Variants in COL4A6 observed in about 807,000 individuals in gnomAD.
COL4A6 encodes collagen alpha-6(IV) chain.
A neutral mutation model predicts 126.7 loss-of-function variants in COL4A6; 59 were observed. The observed-to-expected ratio is 0.47, with a 90% CI of 0.38 to 0.58. The LOEUF is 0.58. Ranked by LOEUF, COL4A6 falls within the 20% of genes least tolerant of loss-of-function variation. The pLI is 0.00. For synonymous variants in COL4A6, 547 were observed against 496.6 expected (o/e 1.10, Z -1.35); for missense variants, 1,285 against 1,337.3 (o/e 0.96, Z 0.61).
chrX:108,232,074 C>T (rs1372863966), intron 3 of COL4A6, among the ~76,000 whole-genome samples: 1 of 111,360 alleles, frequency 9.0e-6, no homozygotes, highest in Non-Finnish European at 1.9e-5. Flanking sequence ...ACTTGATGGT[C>T]ATTAGGTTGA....
intron 40 of COL4A6, chrX:108,163,297 C>T (rs2034020551): frequency 9.9e-6 from 3 of 303,677 alleles, no homozygotes; most frequent in African/African-American, 8.5e-5. Flanking sequence ...GCATTGTGCC[C>T]AGTGGGTGAC....
At chrX:108,437,838 C>A in intron 2 of COL4A6, 104 bp downstream of exon 2, 1 of 909,511 alleles carries the variant, frequency 1.1e-6, no homozygotes, top group Non-Finnish European at 1.6e-6. Context: ...TGGACTCCGT[C>A]TCGTGGTGAA....
At chrX:108,356,988 G>A (rs1157668387) in intron 2 of COL4A6, among the ~76,000 whole-genome samples, 1 of 111,131 alleles carries the variant, frequency 9.0e-6, no homozygotes, top group Non-Finnish European at 1.9e-5. Context: ...TCTATTCCAT[G>A]CATTTAAAGT....
intron 20 of COL4A6, among the ~76,000 whole-genome samples, chrX:108,189,459 C>T (rs2034970140): frequency 8.9e-6 from 1 of 112,084 alleles, no homozygotes; most frequent in African/African-American, 3.2e-5. Flanking sequence ...TTGATAATCC[C>T]TATCACTATT....
intron 32 of COL4A6, among the ~76,000 whole-genome samples, chrX:108,172,195 C>T (rs2034324968): frequency 1.8e-5 from 2 of 108,208 alleles, no homozygotes; most frequent in South Asian, 8.4e-4. Context: ...ACCAAAAATA[C>T]AAAAATTAGC....
At chrX:108,427,668 T>C (rs1000342361) in intron 2 of COL4A6, among the ~76,000 whole-genome samples, 2 of 111,420 alleles carry the variant, frequency 1.8e-5, no homozygotes, top group Non-Finnish European at 3.8e-5. Context: ...AATGTTAGAG[T>C]GGCATGATCA....
intron 2 of COL4A6, among the ~76,000 whole-genome samples, chrX:108,390,178 A>T (rs184577199): frequency 9.0e-6 from 1 of 110,972 alleles, no homozygotes; most frequent in East Asian, 2.9e-4. Flanking sequence ...CCTTCATTTT[A>T]ACCTTGGTGA....
chrX:108,424,211 A>C (rs1250702004), intron 2 of COL4A6, among the ~76,000 whole-genome samples: 2 of 111,601 alleles, frequency 1.8e-5, no homozygotes, highest in Non-Finnish European at 3.8e-5. Context: ...GACTGCCTAG[A>C]GGAAGGAGTG....
rs573679137 is a variant in COL4A6, at chrX:108,157,092, G to T, written c.4981C>A (p.Gln1661Lys). 1.7e-6 allele frequency: 2 copies of T among 1,211,752 alleles called. No homozygotes were observed. The highest frequency in any genetic ancestry group is 1.8e-5 in the South Asian group (1 of 56,990). ...FWLTTVEERQ[Q>K]FGELPVSETL... Reference sequence around the variant, plus strand: ...TCAGACACAGGCAACTCCCCAAACTGCTGCCTCTCCTCCACTGTGGTCAAC... The same window carrying T: ...TCAGACACAGGCAACTCCCCAAACTTCTGCCTCTCCTCCACTGTGGTCAAC... Residue 1661 changes from glutamine to lysine, a missense_variant, in exon 45 of 45, where the codon CAG becomes AAG. Physicochemically the swap from Gln to Lys is moderately conservative, Grantham distance 53. Coordinates refer to ENST00000334504, the MANE Select transcript of COL4A6 (RefSeq NM_033641.4).
At chrX:108,355,355 T>C (rs918187501) in intron 2 of COL4A6, among the ~76,000 whole-genome samples, 6 of 112,415 alleles carry the variant, frequency 5.3e-5, no homozygotes, top group African/African-American at 1.6e-4. Flanking sequence ...TTTCTACACC[T>C]AGAAGCACAC....
At chrX:108,427,419 A>G (rs2064105892) in intron 2 of COL4A6, among the ~76,000 whole-genome samples, 2 of 112,295 alleles carry the variant, frequency 1.8e-5, no homozygotes, top group South Asian at 7.4e-4. Context: ...TCAGAAAAAT[A>G]CTAACTTAAC....
At chrX:108,241,194 G>T (rs917506250) in intron 3 of COL4A6, among the ~76,000 whole-genome samples, 13 of 110,857 alleles carry the variant, frequency 1.2e-4, no homozygotes, top group Non-Finnish European at 2.3e-4. Context: ...TATAATGCCT[G>T]ACACATAATA....
Position 108,435,257 on chromosome X carries a change from G to A in COL4A6, c.63+2685C>T, listed in dbSNP as rs899998739. Among the ~76,000 whole-genome samples, 3 of 111,773 alleles carry A rather than the reference G, an allele frequency of 2.7e-5. No homozygotes were observed. The South Asian group carries it at 1.1e-3, about 42-fold the overall frequency. The stretch of plus-strand genomic sequence containing the variant: ...ACCTTTTCCTGAAAGCTCATTTGGA[G>A]GGGGCAAAGTGTGAAGAAAACATAA... On this transcript the variant is annotated intron_variant, in intron 2 of 44. Coordinates refer to ENST00000334504, the MANE Select transcript of COL4A6 (RefSeq NM_033641.4).
intron 20 of COL4A6, among the ~76,000 whole-genome samples, chrX:108,190,101 T>G (rs1356340034): frequency 1.8e-5 from 2 of 112,112 alleles, no homozygotes; most frequent in African/African-American, 6.5e-5. Context: ...GCTTACATCC[T>G]TGGTTTTGCA....
intron 44 of COL4A6, 71 bp downstream of exon 44, chrX:108,159,391 C>T: frequency 1.8e-6 from 2 of 1,110,818 alleles, no homozygotes; most frequent in Non-Finnish European, 2.5e-6. Context: ...ACCTGGTGTC[C>T]CTTGAGCCTG....
At chrX:108,178,570 G>A in intron 27 of COL4A6, 114 bp downstream of exon 27, 1 of 763,163 alleles carries the variant, frequency 1.3e-6, no homozygotes. Context: ...GGAAAGTCAA[G>A]TCTCATTCTA....
intron 12 of COL4A6, 85 bp from the exon 13 acceptor site, chrX:108,203,066 A>T: frequency 1.3e-6 from 1 of 782,976 alleles, no homozygotes. Flanking sequence ...ACTTGGACTG[A>T]GGAGTGGGGA....
intron 2 of COL4A6, among the ~76,000 whole-genome samples, chrX:108,401,519 A>G (rs762610289): frequency 9.0e-6 from 1 of 110,907 alleles, no homozygotes; most frequent in Non-Finnish European, 1.9e-5. Flanking sequence ...CCTTTACAAT[A>G]CAAATATATA....
intron 3 of COL4A6, among the ~76,000 whole-genome samples, chrX:108,238,926 C>T (rs776628758): frequency 8.9e-6 from 1 of 112,045 alleles, no homozygotes; most frequent in East Asian, 2.8e-4. Flanking sequence ...TTTTAATTTG[C>T]ACGTCTCTGA....
Sources: allele counts gnomAD v4.1 joint callset (sites outside exome capture counted in the v4.1 genomes callset), GRCh38; gene constraint gnomAD v4.1.1; transcripts MANE v1.5; gene names NCBI Gene and HGNC (gene_info 2026-07-23, HGNC 2026-07-21).